AKR1C1: variants seen among roughly 807,000 people sequenced by gnomAD.
The protein encoded by AKR1C1 is aldo-keto reductase family 1 member C1, also known as 20 alpha-hydroxysteroid dehydrogenase.
AKR1C1 carries 32 observed loss-of-function variants against 40.6 expected under a neutral mutation model. That is an observed-to-expected ratio of 0.79 (90% CI 0.60 to 1.06). The LOEUF (loss-of-function observed/expected upper bound fraction) is 1.06, where lower values mean the gene tolerates loss of function less well. AKR1C1 is among the 50% of genes least tolerant of loss of function. The pLI is 0.00. For missense variants in AKR1C1, 320 were observed against 363.5 expected, an observed-to-expected ratio of 0.88 and a Z score of 0.97; for synonymous variants, 105 against 134.2, an observed-to-expected ratio of 0.78 and a Z score of 1.50.
chr10:4,963,740 G>A (rs1393352124), intron 1 of AKR1C1: 1 of 752,206 alleles, frequency 1.3e-6, no homozygotes, highest in East Asian at 2.4e-5. Context: ...CAGCTTGTCA[G>A]AGTCTATACA....
At chr10:4,969,576 C>T in intron 5 of AKR1C1, 3 of 1,366,398 alleles carry the variant, frequency 2.2e-6, no homozygotes, top group East Asian at 2.4e-5. Context: ...ATGGAGCTGA[C>T]CTATGACTGC....
rs1554770630 is a variant in AKR1C1, at chr10:4,977,704, G to T, written c.934G>T (p.Ala312Ser). Residue 312 changes from alanine to serine, a missense_variant, in exon 9 of 9, where the codon GCT becomes TCT. Physicochemically the swap from Ala to Ser is moderately conservative, Grantham distance 99. Coordinates refer to ENST00000380872, the MANE Select transcript of AKR1C1 (RefSeq NM_001353.6). The part of the protein sequence containing the change: ...NVRYLTLDIF[A>S]GPPNYPFSDE... Reference sequence around the variant, plus strand: ...CATTTTTTTTTCTCTTTCCAGTTTTGCTGGCCCCCCTAATTATCCATTTTC... The same window carrying T: ...CATTTTTTTTTCTCTTTCCAGTTTTTCTGGCCCCCCTAATTATCCATTTTC... The T allele has an allele frequency of 1.2e-6, 2 of 1,609,368 alleles. No homozygotes were observed. Among genetic ancestry groups the T allele is most frequent in the Non-Finnish European group, 8.5e-7 (1 of 1,178,700 alleles).
At chr10:4,970,152 C>T (rs1262675021) in intron 5 of AKR1C1, among the ~76,000 whole-genome samples, 1 of 152,044 alleles carries the variant, frequency 6.6e-6, no homozygotes, top group Non-Finnish European at 1.5e-5. Flanking sequence ...TGACAATTGA[C>T]CCCTAGAGAC....
rs1470870832 is a variant in AKR1C1, at chr10:4,981,619, C to T, written c.*3877C>T. The stretch of plus-strand genomic sequence containing the variant: ...ACATACACTCTGAAGAAGTCTCAGG[C>T]ACAATCCTACTCCATGAAATAAGAA... On this transcript the variant is annotated 3_prime_UTR_variant, in exon 9 of 9. Transcript: ENST00000380872. 2 of 152,222 alleles carry T rather than the reference C, an allele frequency of 1.3e-5. No homozygotes were observed. The highest frequency in any genetic ancestry group is 4.8e-5 in the African/African-American group (2 of 41,444). 9.4% of individuals were successfully genotyped at this position (152,222 alleles called of 1,614,324 possible). A position where few individuals can be genotyped will look rare whatever the true frequency, so the allele number is the denominator to read the frequency against.
At chr10:4,964,161 G>C (rs1043962812) in intron 1 of AKR1C1, among the ~76,000 whole-genome samples, 2 of 152,016 alleles carry the variant, frequency 1.3e-5, no homozygotes, top group Admixed American at 6.6e-5. Context: ...AAAATTTCTT[G>C]TTTCTCTGAC....
intron 7 of AKR1C1, among the ~76,000 whole-genome samples, chr10:4,973,858 T>C (rs1836478807): frequency 1.3e-5 from 2 of 151,572 alleles, no homozygotes. Context: ...AAAGAATTAA[T>C]ATCCAGAATA....
chr10:4,970,559 G>C (rs1487650849), intron 5 of AKR1C1, among the ~76,000 whole-genome samples: 1 of 151,956 alleles, frequency 6.6e-6, no homozygotes, highest in African/African-American at 2.4e-5. Context: ...TAAAAACTTG[G>C]TTAAGCTCCA....
chr10:4,968,684 C>A, intron 4 of AKR1C1, 138 bp from the exon 5 acceptor site: 1 of 1,419,630 alleles, frequency 7.0e-7, no homozygotes, highest in East Asian at 2.4e-5. Flanking sequence ...ATCTTCTTCC[C>A]CAATTTTCTG....
intron 8 of AKR1C1, 46 bp from the exon 9 acceptor site, chr10:4,977,654 C>T (rs368014593): frequency 2.4e-4 from 381 of 1,611,406 alleles, no homozygotes; most frequent in Non-Finnish European, 2.9e-4. Context: ...CCGCTAGTAA[C>T]GGAGTCATTG....
At position 4,981,264 on chromosome 10, in the gene AKR1C1, A is replaced by T. The variant is rs1372066558; in HGVS notation, c.*3522A>T. The T allele has an allele frequency of 6.6e-6, 1 of 152,218 alleles. No individual in the cohort carries two copies. Among genetic ancestry groups the T allele is most frequent in the Non-Finnish European group, 1.5e-5 (1 of 68,028 alleles). The allele number at this position is 152,218 out of a possible 1,614,324, so 9.4% of individuals were successfully genotyped here. A position where few individuals can be genotyped will look rare whatever the true frequency, so the allele number is the denominator to read the frequency against. ...ATATAGATTAAATCTTAAGGACCCT[A>T]GGATTGTTAGAATAGTAAATGAACA... On this transcript the variant is annotated 3_prime_UTR_variant, in exon 9 of 9. Transcript: ENST00000380872.
chr10:4,977,647 C>A (rs1158436158), intron 8 of AKR1C1, 53 bp from the exon 9 acceptor site: 24 of 1,611,794 alleles, frequency 1.5e-5, no homozygotes, highest in Non-Finnish European at 2.0e-5. Flanking sequence ...GCACTACCCG[C>A]TAGTAACGGA....
Position 4,977,396 on chromosome 10 carries a change from T to C in AKR1C1, c.930-304T>C, listed in dbSNP as rs1211957647. Reference sequence around the variant, plus strand: ...TTCCATTTTTACTGAGAATTTGAAATAGAAAAGGTCAGTATATCTCTTTGC... The same window carrying C: ...TTCCATTTTTACTGAGAATTTGAAACAGAAAAGGTCAGTATATCTCTTTGC... On this transcript the variant is annotated intron_variant, in intron 8 of 8. Coordinates refer to ENST00000380872, the MANE Select transcript of AKR1C1 (RefSeq NM_001353.6). 2.0e-5 allele frequency among the ~76,000 whole-genome samples: 3 copies of C among 152,228 alleles called. No individual in the cohort carries two copies. In the East Asian group the frequency reaches 5.8e-4, roughly 29 times the overall value.
rs1138574 is a variant in AKR1C1, at chr10:4,965,964, C to A, written c.135C>A (p.Gly45=). The change falls in exon 2 of 9, where the codon GGC becomes GGA. Residue 45 remains glycine, a synonymous_variant. Coordinates refer to ENST00000380872, the MANE Select transcript of AKR1C1 (RefSeq NM_001353.6). Reference sequence around the variant, plus strand: ...CCACCAAATTGGCAATTGAAGCTGGCTTCCGCCATATTGATTCTGCTCATT... The same window carrying A: ...CCACCAAATTGGCAATTGAAGCTGGATTCCGCCATATTGATTCTGCTCATT... ...LEATKLAIEA[G]FRHIDSAHLY... The A allele has an allele frequency of 4.3e-6, 7 of 1,614,232 alleles. No homozygotes were observed. Among genetic ancestry groups the A allele is most frequent in the Non-Finnish European group, 5.9e-6 (7 of 1,180,026 alleles).
chr10:4,974,948 G>A (rs1836502998), intron 7 of AKR1C1, among the ~76,000 whole-genome samples: 2 of 151,994 alleles, frequency 1.3e-5, no homozygotes, highest in Admixed American at 6.5e-5. Flanking sequence ...TTAGTCTCTT[G>A]TTGACATTGT....
rs576672631 is a variant in AKR1C1 at position 4,981,572 on chromosome 10, A to T, written c.*3830A>T. 7.9e-5 allele frequency: 12 copies of T among 152,280 alleles called. No individual in the cohort carries two copies. The highest frequency in any genetic ancestry group is 2.6e-4 in the African/African-American group (11 of 41,562). The allele number at this position is 152,280 out of a possible 1,614,324, so 9.4% of individuals were successfully genotyped here. A position where few individuals can be genotyped will look rare whatever the true frequency, so the allele number is the denominator to read the frequency against. On this transcript the variant is annotated 3_prime_UTR_variant, in exon 9 of 9. Coordinates refer to ENST00000380872, the MANE Select transcript of AKR1C1 (RefSeq NM_001353.6). ...TTTTCAAGAACCAATGCAGAGACTT[A>T]ACAGATATATGAAAAAATTTCACAT...
chr10:4,969,072 T>A, intron 5 of AKR1C1, 128 bp downstream of exon 5: 1 of 1,547,884 alleles, frequency 6.5e-7, no homozygotes, highest in African/African-American at 1.4e-5. Flanking sequence ...AAAGACTCTG[T>A]CTCGAAGGGC....
chr10:4,966,346 A>G (rs1836333771), intron 2 of AKR1C1, among the ~76,000 whole-genome samples: 1 of 152,240 alleles, frequency 6.6e-6, no homozygotes, highest in Non-Finnish European at 1.5e-5. Flanking sequence ...AGACTATAGA[A>G]TCAGAAAAAA....
intron 5 of AKR1C1, chr10:4,969,657 T>C: frequency 1.2e-6 from 2 of 1,609,018 alleles, no homozygotes; most frequent in Non-Finnish European, 1.7e-6. Context: ...ATCTATTCTC[T>C]ATGTGTTCCT....
chr10:4,971,701 T>C (rs1304658272), intron 5 of AKR1C1, among the ~76,000 whole-genome samples: 1 of 151,206 alleles, frequency 6.6e-6, no homozygotes, highest in African/African-American at 2.4e-5. Flanking sequence ...TGTGTGTATG[T>C]ATATTTTCTA....
Sources: allele counts gnomAD v4.1 joint callset (sites outside exome capture counted in the v4.1 genomes callset), GRCh38; gene constraint gnomAD v4.1.1; transcripts MANE v1.5; gene names NCBI Gene and HGNC (gene_info 2026-07-23, HGNC 2026-07-21).